The following HBS1L variants were observed in gnomAD, a reference collection of about 807,000 sequenced individuals.
HBS1L encodes HBS1-like protein.
Under a neutral mutation model 88.9 loss-of-function variants are expected in HBS1L, and 55 were observed. The observed-to-expected ratio is 0.62, with a 90% CI of 0.50 to 0.77. The LOEUF (loss-of-function observed/expected upper bound fraction) is 0.77, where lower values mean the gene tolerates loss of function less well. HBS1L is among the 30% of genes least tolerant of loss of function. The probability of loss-of-function intolerance (pLI) is 0.00; values close to 1 mark genes in which losing one functional copy is unlikely to be tolerated. For synonymous variants in HBS1L, 267 were observed against 288.5 expected (o/e 0.93, Z 0.76); for missense variants, 741 against 829.3 (o/e 0.89, Z 1.31).
At chr6:135,019,223 A>T (rs1390367916) in intron 4 of HBS1L, among the ~76,000 whole-genome samples, 1 of 151,942 alleles carries the variant, frequency 6.6e-6, no homozygotes, top group Admixed American at 6.6e-5. Context: ...TGAAATCTAA[A>T]TCCAAGCAGT....
At chr6:135,033,329 T>C (rs1341923419) in intron 4 of HBS1L, among the ~76,000 whole-genome samples, 2 of 152,144 alleles carry the variant, frequency 1.3e-5, no homozygotes, top group African/African-American at 2.4e-5. Context: ...GTACAGAATA[T>C]ACACTTAGTG....
chr6:135,040,256 A>G (rs549193848), intron 3 of HBS1L, among the ~76,000 whole-genome samples: 61 of 152,184 alleles, frequency 4.0e-4, no homozygotes, highest in African/African-American at 1.4e-3. Flanking sequence ...ATAATCCTTA[A>G]TGACTCTTTA....
intron 4 of HBS1L, among the ~76,000 whole-genome samples, chr6:135,019,855 T>A (rs1357422718): frequency 5.3e-5 from 8 of 151,864 alleles, no homozygotes; most frequent in Non-Finnish European, 1.0e-4. Flanking sequence ...ACAAATATAA[T>A]GAATTTTAAA....
In HBS1L at chr6:135,039,675, A is replaced by C; in HGVS notation, c.328T>G (p.Phe110Val). ...ILIEAVLKNK[F>V]DVQKALSGVL... ...CCTGACAAAGCCTTCTGCACATCAA[A>C]CTTGTTCTTCAGAACTGCTTCAATT... The change falls in exon 4 of 18, where the codon TTT (phenylalanine) becomes GTT (valine). Residue 110 changes from phenylalanine to valine, a missense_variant. By Grantham distance (50) the Phe-to-Val change is conservative (BLOSUM62 -1). This residue lies in a region of HBS1L where 556 missense variants were observed against 598.4 expected (regional missense o/e 0.93). Transcript: ENST00000367837. 1 of 1,614,050 alleles carries C rather than the reference A, an allele frequency of 6.2e-7. No individual in the cohort carries two copies. The highest frequency in any genetic ancestry group is 8.5e-7 in the Non-Finnish European group (1 of 1,179,986).
At chr6:134,979,057 C>A in intron 14 of HBS1L, 121 bp downstream of exon 14, 1 of 701,650 alleles carries the variant, frequency 1.4e-6, no homozygotes, top group Admixed American at 2.3e-5. Flanking sequence ...TACATTTACA[C>A]AGGTGTCTAT....
intron 4 of HBS1L, chr6:135,037,738 G>T: frequency 6.4e-7 from 1 of 1,550,880 alleles, no homozygotes; most frequent in Non-Finnish European, 8.7e-7. Flanking sequence ...TCTGACTGAT[G>T]GCTGACTTTC....
intron 4 of HBS1L, among the ~76,000 whole-genome samples, chr6:135,010,531 G>T (rs757330200): frequency 6.6e-6 from 1 of 152,084 alleles, no homozygotes; most frequent in African/African-American, 2.4e-5. Flanking sequence ...GTTTTAAAAT[G>T]ATTTTAGGTG....
intron 4 of HBS1L, 53 bp from the exon 5 acceptor site, chr6:135,002,895 G>T: frequency 2.0e-6 from 2 of 1,016,950 alleles, no homozygotes; most frequent in South Asian, 2.7e-5. Context: ...GTAATATAAA[G>T]AAATCTATTA....
Position 134,962,722 on chromosome 6 carries a change from C to T in HBS1L, c.*2557G>A, listed in dbSNP as rs1774213493. On this transcript the variant is annotated 3_prime_UTR_variant, in exon 18 of 18. Coordinates refer to ENST00000367837, the MANE Select transcript of HBS1L (RefSeq NM_006620.4). ...CATTAGTGTGAAGAAACAGTAAAAT[C>T]ATAAAAAAGAAGACAGTCAGGACAA... is the stretch of plus-strand genomic sequence containing the variant. 6.6e-6 allele frequency: 1 copy of T among 152,134 alleles called. No homozygotes were observed. Among genetic ancestry groups the T allele is most frequent in the Non-Finnish European group, 1.5e-5 (1 of 68,018 alleles). The allele number at this position is 152,134 out of a possible 1,614,324, so 9.4% of individuals were successfully genotyped here. A position where few individuals can be genotyped will look rare whatever the true frequency, so the allele number is the denominator to read the frequency against.
rs1774163629 is a variant in HBS1L at position 134,960,564 on chromosome 6, T to G, written c.*4715A>C. On this transcript the variant is annotated 3_prime_UTR_variant, in exon 18 of 18. Transcript: ENST00000367837. ...TTGTGCATTATACTTGTTATTAATATGAAATTCTCTTAATTTTTTTTTACT... is the reference window on the plus strand; with the variant it reads ...TTGTGCATTATACTTGTTATTAATAGGAAATTCTCTTAATTTTTTTTTACT... 6.6e-6 allele frequency: 1 copy of G among 152,194 alleles called. No homozygotes were observed. Among genetic ancestry groups the G allele is most frequent in the South Asian group, 2.1e-4 (1 of 4,838 alleles). 9.4% of individuals were successfully genotyped at this position (152,194 alleles called of 1,614,324 possible). A position where few individuals can be genotyped will look rare whatever the true frequency, so the allele number is the denominator to read the frequency against.
At chr6:135,000,222 A>AT (rs33946758) in intron 5 of HBS1L, among the ~76,000 whole-genome samples, 1,645 of 129,398 alleles carry the variant, frequency 0.013, 19 homozygotes, top group Middle Eastern at 0.038. Flanking sequence ...TACCCAGCTA[A>AT]TTTTTTTTTT....
chr6:135,048,826 C>A (rs558122812), intron 2 of HBS1L, among the ~76,000 whole-genome samples: 37 of 152,232 alleles, frequency 2.4e-4, no homozygotes, highest in Middle Eastern at 6.8e-3. Flanking sequence ...CATGATTAAG[C>A]TAAATGAGAA....
chr6:135,024,509 T>C lies in HBS1L; in HGVS notation c.430+15064A>G, dbSNP rs531948642. The stretch of plus-strand genomic sequence containing the variant: ...GAATTTTAATTTCTGAATTTTCCTG[T>C]GGAAGAGTTTGTGTTACTCAGTTTT... On this transcript the variant is annotated intron_variant, in intron 4 of 17. Coordinates refer to ENST00000367837, the MANE Select transcript of HBS1L (RefSeq NM_006620.4). Among the ~76,000 whole-genome samples the C allele has an allele frequency of 3.6e-3, 540 of 148,088 alleles. 3 individuals carry two copies. The highest frequency in any genetic ancestry group is 0.012 in the African/African-American group (481 of 40,678).
rs918489964 is a variant in HBS1L at position 135,035,876 on chromosome 6, T to C, written c.430+3697A>G. On this transcript the variant is annotated intron_variant, in intron 4 of 17. Transcript: ENST00000367837. ...ACCATACTTGAAAACACTTTTTATATATTTATTTTAAAGTGTATACTTAGG... is the reference window on the plus strand; with the variant it reads ...ACCATACTTGAAAACACTTTTTATACATTTATTTTAAAGTGTATACTTAGG... 37 of 736,374 alleles carry C rather than the reference T, an allele frequency of 5.0e-5. No homozygotes were observed. The African/African-American group carries it at 7.0e-4, about 14-fold the overall frequency. The allele number at this position is 736,374 out of a possible 1,614,324, so 45.6% of individuals were successfully genotyped here. A position where few individuals can be genotyped will look rare whatever the true frequency, so the allele number is the denominator to read the frequency against.
Position 134,988,299 on chromosome 6 carries a change from G to T in HBS1L, c.1084-508C>A, listed in dbSNP as rs1775035113. On this transcript the variant is annotated intron_variant, in intron 8 of 17. Transcript: ENST00000367837. ...GATCACTAGAACCTGAGAGGCAGAG[G>T]TTGCAGTGAGTCGAGATCGCCCCAC... Among the ~76,000 whole-genome samples, 4 of 151,994 alleles carry T rather than the reference G, an allele frequency of 2.6e-5. No individual in the cohort carries two copies. The South Asian group carries it at 8.3e-4, about 31-fold the overall frequency.
In HBS1L at chr6:135,036,292, G is replaced by C. The variant is rs1554231096; in HGVS notation, c.430+3281C>G. 23 of 1,029,964 alleles carry C rather than the reference G, an allele frequency of 2.2e-5. No homozygotes were observed. In the South Asian group the frequency reaches 7.8e-4, roughly 35 times the overall value. The allele number at this position is 1,029,964 out of a possible 1,614,324, so 63.8% of individuals were successfully genotyped here. A position where few individuals can be genotyped will look rare whatever the true frequency, so the allele number is the denominator to read the frequency against. ...GAATGCTTCAAACAAAAATATATGA[G>C]GTCTGATTTCACAACATCAAGTTTC... On this transcript the variant is annotated intron_variant, in intron 4 of 17. Coordinates refer to ENST00000367837, the MANE Select transcript of HBS1L (RefSeq NM_006620.4).
chr6:134,979,785 T>C (rs1427920447), intron 13 of HBS1L, among the ~76,000 whole-genome samples: 2 of 152,032 alleles, frequency 1.3e-5, no homozygotes, highest in Non-Finnish European at 2.9e-5. Flanking sequence ...CAAGCGGTCC[T>C]CTCAGCAGGC....
intron 4 of HBS1L, among the ~76,000 whole-genome samples, chr6:135,003,439 T>C (rs191775794): frequency 6.6e-6 from 1 of 152,044 alleles, no homozygotes; most frequent in Admixed American, 6.6e-5. Flanking sequence ...TGGTGACATG[T>C]GCCTATAGTC....
intron 2 of HBS1L, 73 bp downstream of exon 2, chr6:135,050,509 C>T (rs1777047903): frequency 1.1e-6 from 1 of 912,002 alleles, no homozygotes. Flanking sequence ...CAGAACACTC[C>T]AGTCCTTGAA....
Sources: allele counts gnomAD v4.1 joint callset (sites outside exome capture counted in the v4.1 genomes callset), GRCh38; gene constraint gnomAD v4.1.1; regional missense constraint gnomAD v4.1.1; transcripts MANE v1.5; gene names NCBI Gene and HGNC (gene_info 2026-07-23, HGNC 2026-07-21).